Variants in ZFAND3 observed in about 807,000 individuals in gnomAD.
ZFAND3 encodes zinc finger AN1-type containing 3.
Under a neutral mutation model 29.6 loss-of-function variants are expected in ZFAND3, and 10 were observed. The observed-to-expected ratio is 0.34, with a 90% CI of 0.21 to 0.57. The LOEUF (loss-of-function observed/expected upper bound fraction) is 0.57. Ranked by LOEUF, ZFAND3 falls within the 20% of genes least tolerant of loss-of-function variation. ZFAND3 has a pLI of 0.86. For synonymous variants in ZFAND3, 128 were observed against 112.6 expected, an observed-to-expected ratio of 1.14 and a Z score of -0.87; for missense variants, 230 against 304.5, an observed-to-expected ratio of 0.76 and a Z score of 1.82.
intron 5 of ZFAND3, among the ~76,000 whole-genome samples, chr6:38,151,942 C>A (rs1253213523): frequency 6.6e-6 from 1 of 152,132 alleles, no homozygotes; most frequent in East Asian, 1.9e-4. Flanking sequence ...GAGCGCAGAG[C>A]CCACTCATTT....
intron 1 of ZFAND3, among the ~76,000 whole-genome samples, chr6:37,839,546 C>T (rs1310334434): frequency 2.3e-5 from 3 of 128,248 alleles, no homozygotes; most frequent in Non-Finnish European, 4.9e-5. Flanking sequence ...GATGGAGTCT[C>T]GCTCTGTCGC....
intron 1 of ZFAND3, among the ~76,000 whole-genome samples, chr6:37,863,384 A>G (rs936901025): frequency 6.6e-5 from 10 of 152,234 alleles, no homozygotes; most frequent in Non-Finnish European, 1.3e-4. Context: ...AGGTTCCTCA[A>G]GTCCCTTTTA....
intron 2 of ZFAND3, among the ~76,000 whole-genome samples, chr6:38,054,411 A>C (rs1243912949): frequency 6.6e-6 from 1 of 151,220 alleles, no homozygotes; most frequent in East Asian, 1.9e-4. Context: ...AAAAAAAAAA[A>C]AAACAAGGAA....
chr6:38,126,822 C>A (rs1247843745), intron 5 of ZFAND3, among the ~76,000 whole-genome samples: 1 of 151,972 alleles, frequency 6.6e-6, no homozygotes, highest in Non-Finnish European at 1.5e-5. Flanking sequence ...GTTTCTCAGC[C>A]ACATTTTATA....
At chr6:37,987,331 A>G (rs531456047) in intron 2 of ZFAND3, among the ~76,000 whole-genome samples, 1 of 152,354 alleles carries the variant, frequency 6.6e-6, no homozygotes, top group Non-Finnish European at 1.5e-5. Context: ...AAGTCCTCCT[A>G]GTAACAATAT....
At chr6:37,989,336 A>T (rs1473073603) in intron 2 of ZFAND3, among the ~76,000 whole-genome samples, 3 of 152,170 alleles carry the variant, frequency 2.0e-5, no homozygotes, top group South Asian at 2.1e-4. Context: ...ATTCCTCATA[A>T]TACTACTGAA....
chr6:38,125,860 TG>T (rs1765624556), intron 5 of ZFAND3, among the ~76,000 whole-genome samples: 1 of 152,240 alleles, frequency 6.6e-6, no homozygotes, highest in Non-Finnish European at 1.5e-5. Flanking sequence ...CCATAAAATT[TG>T]CCCATTTTAT....
At chr6:38,124,831 C>T (rs560673112) in intron 5 of ZFAND3, among the ~76,000 whole-genome samples, 6 of 152,310 alleles carry the variant, frequency 3.9e-5, no homozygotes, top group South Asian at 2.1e-4. Context: ...GCCGAGGAGG[C>T]GCCAAGAGTG....
At chr6:37,848,820 C>T (rs1472466701) in intron 1 of ZFAND3, among the ~76,000 whole-genome samples, 2 of 151,842 alleles carry the variant, frequency 1.3e-5, no homozygotes. Context: ...TTTGGTGTCT[C>T]GATGCTGGTA....
At chr6:37,903,195 A>G (rs905985519) in intron 1 of ZFAND3, among the ~76,000 whole-genome samples, 1 of 152,194 alleles carries the variant, frequency 6.6e-6, no homozygotes, top group African/African-American at 2.4e-5. Context: ...GTAGACTTGT[A>G]TCAGAATTAT....
chr6:37,959,243 G>A (rs1162867751), intron 2 of ZFAND3, among the ~76,000 whole-genome samples: 1 of 152,220 alleles, frequency 6.6e-6, no homozygotes, highest in Non-Finnish European at 1.5e-5. Flanking sequence ...GTCTAGTTCT[G>A]TGACATTAAT....
At chr6:37,991,855 T>A (rs764219189) in intron 2 of ZFAND3, among the ~76,000 whole-genome samples, 3 of 152,220 alleles carry the variant, frequency 2.0e-5, no homozygotes, top group Non-Finnish European at 4.4e-5. Context: ...TATTATAAGC[T>A]ACTCAATGAA....
chr6:37,973,675 A>C (rs926413402), intron 2 of ZFAND3, among the ~76,000 whole-genome samples: 2 of 152,236 alleles, frequency 1.3e-5, no homozygotes, highest in African/African-American at 4.8e-5. Flanking sequence ...TACTTAAGCT[A>C]AGCTAGTGTT....
At chr6:38,088,842 G>T (rs1764807746) in intron 4 of ZFAND3, among the ~76,000 whole-genome samples, 2 of 152,186 alleles carry the variant, frequency 1.3e-5, no homozygotes, top group South Asian at 4.2e-4. Context: ...GGCCATAAGG[G>T]AGCTGTAGAA....
chr6:37,963,706 A>G (rs1221706199), intron 2 of ZFAND3, among the ~76,000 whole-genome samples: 1 of 152,084 alleles, frequency 6.6e-6, no homozygotes, highest in Non-Finnish European at 1.5e-5. Context: ...CTGCTTCTGA[A>G]TGTAGAAGCC....
At chr6:37,999,433 G>A (rs566023471) in intron 2 of ZFAND3, among the ~76,000 whole-genome samples, 7 of 152,308 alleles carry the variant, frequency 4.6e-5, no homozygotes, top group Non-Finnish European at 1.0e-4. Context: ...ACTTCCAAGT[G>A]TGGAAAGGGA....
chr6:38,034,959 A>G (rs1398171318), intron 2 of ZFAND3, among the ~76,000 whole-genome samples: 1 of 152,064 alleles, frequency 6.6e-6, no homozygotes, highest in Non-Finnish European at 1.5e-5. Context: ...AGGATTGTTG[A>G]TGGTTGTCTT....
At chr6:38,084,136 A>G (rs1377478668) in intron 4 of ZFAND3, among the ~76,000 whole-genome samples, 2 of 152,154 alleles carry the variant, frequency 1.3e-5, no homozygotes, top group Admixed American at 6.6e-5. Flanking sequence ...CCCCTATATC[A>G]TGCTACTGCT....
intron 2 of ZFAND3, among the ~76,000 whole-genome samples, chr6:38,041,753 C>T (rs1426951525): frequency 0.013 from 28 of 2,208 alleles, 11 homozygotes; most frequent in Admixed American, 0.056. Context: ...TCCTCCTCCT[C>T]CTCCTCCTCC....
Sources: allele counts gnomAD v4.1 joint callset (sites outside exome capture counted in the v4.1 genomes callset), GRCh38; gene constraint gnomAD v4.1.1; transcripts MANE v1.5; gene names NCBI Gene and HGNC (gene_info 2026-07-23, HGNC 2026-07-21).